ROBO2: variants seen among roughly 807,000 people sequenced by gnomAD.
The protein encoded by ROBO2 is roundabout homolog 2.
Under a neutral mutation model 160.8 loss-of-function variants are expected in ROBO2, and 53 were observed. The ratio of observed to expected loss-of-function variants is 0.33; its 90% confidence interval spans 0.26 to 0.41. The LOEUF (loss-of-function observed/expected upper bound fraction) is 0.41, where lower values mean the gene tolerates loss of function less well. Among genes scored for constraint, ROBO2 ranks in the 10% least tolerant of loss-of-function variants. The pLI, the probability that ROBO2 is intolerant of heterozygous loss-of-function variation, is 1.00. For missense variants in ROBO2, 1,577 were observed against 1,722.4 expected, an observed-to-expected ratio of 0.92 and a Z score of 1.49; for synonymous variants, 664 against 611.7, an observed-to-expected ratio of 1.09 and a Z score of -1.26.
At chr3:76,028,420 TA>T (rs1451717304) in intron 2 of ROBO2, among the ~76,000 whole-genome samples, 1 of 151,740 alleles carries the variant, frequency 6.6e-6, no homozygotes, top group Non-Finnish European at 1.5e-5. Flanking sequence ...TAAGTGAGGT[TA>T]AAAAGTAACA....
chr3:76,971,551 T>C (rs2059573281), intron 2 of ROBO2, among the ~76,000 whole-genome samples: 1 of 149,622 alleles, frequency 6.7e-6, no homozygotes, highest in African/African-American at 2.5e-5. Context: ...ACTGTTTCTC[T>C]AAAAAAAAAA....
At chr3:77,476,565 T>G in intron 2 of ROBO2, among the ~76,000 whole-genome samples, 1 of 152,124 alleles carries the variant, frequency 6.6e-6, no homozygotes, top group East Asian at 1.9e-4. Context: ...ACCCTAAAAT[T>G]AATGTAGCTC....
At chr3:77,019,070 A>T (rs1342056948) in intron 2 of ROBO2, among the ~76,000 whole-genome samples, 1 of 152,204 alleles carries the variant, frequency 6.6e-6, no homozygotes, top group Non-Finnish European at 1.5e-5. Flanking sequence ...AGGATTTAGC[A>T]TGGGTTTCGG....
intron 2 of ROBO2, among the ~76,000 whole-genome samples, chr3:76,047,674 G>C (rs1300739205): frequency 1.3e-5 from 2 of 152,156 alleles, no homozygotes; most frequent in East Asian, 1.9e-4. Flanking sequence ...TAGATGTTCC[G>C]ATAGGCTAGC....
chr3:76,761,362 G>T (rs796915639), intron 2 of ROBO2, among the ~76,000 whole-genome samples: 2 of 151,690 alleles, frequency 1.3e-5, no homozygotes, highest in Non-Finnish European at 3.0e-5. Flanking sequence ...CATGCAGGGT[G>T]ACCATACATT....
intron 2 of ROBO2, among the ~76,000 whole-genome samples, chr3:76,705,272 C>T (rs1002151059): frequency 2.0e-5 from 3 of 151,958 alleles, no homozygotes; most frequent in Admixed American, 2.0e-4. Flanking sequence ...ACAATATATC[C>T]CAGTTGCCTA....
At chr3:77,442,031 G>T (rs991824829) in intron 2 of ROBO2, among the ~76,000 whole-genome samples, 3 of 152,042 alleles carry the variant, frequency 2.0e-5, no homozygotes, top group Admixed American at 1.3e-4. Flanking sequence ...TCAGATTTAC[G>T]GCCGGGCGCG....
chr3:77,441,738 G>GA (rs952705168), intron 2 of ROBO2, among the ~76,000 whole-genome samples: 3 of 151,982 alleles, frequency 2.0e-5, no homozygotes, highest in Non-Finnish European at 4.4e-5. Flanking sequence ...ACCTCTCCTA[G>GA]AAAAAAACCT....
At chr3:76,812,217 C>G (rs1015920852) in intron 2 of ROBO2, among the ~76,000 whole-genome samples, 1 of 151,334 alleles carries the variant, frequency 6.6e-6, no homozygotes, top group African/African-American at 2.4e-5. Flanking sequence ...AGGTGATGTC[C>G]TTCCTAAACT....
chr3:76,476,206 CT>C (rs998846190), intron 2 of ROBO2, among the ~76,000 whole-genome samples: 13 of 152,110 alleles, frequency 8.5e-5, no homozygotes, highest in African/African-American at 3.1e-4. Flanking sequence ...CAGACCCTTC[CT>C]TTTTTTATTA....
intron 2 of ROBO2, among the ~76,000 whole-genome samples, chr3:76,275,698 T>C (rs542998364): frequency 6.6e-6 from 1 of 152,204 alleles, no homozygotes; most frequent in Non-Finnish European, 1.5e-5. Flanking sequence ...TCTTGTTCTT[T>C]AAAAACCTAC....
At chr3:76,842,679 G>C (rs993456814) in intron 2 of ROBO2, among the ~76,000 whole-genome samples, 2 of 152,110 alleles carry the variant, frequency 1.3e-5, no homozygotes, top group Non-Finnish European at 2.9e-5. Flanking sequence ...GCTGTTATGA[G>C]TTAAATCATG....
chr3:76,834,325 C>G (rs2067474046), intron 2 of ROBO2, among the ~76,000 whole-genome samples: 1 of 151,274 alleles, frequency 6.6e-6, no homozygotes, highest in Admixed American at 6.6e-5. Context: ...GTAGCTGTAA[C>G]TACAGGGGCA....
chr3:76,040,847 G>T lies in ROBO2; in HGVS notation c.109+103245G>T, dbSNP rs184746054. 9.9e-4 allele frequency among the ~76,000 whole-genome samples: 150 copies of T among 151,972 alleles called. 2 individuals carry two copies. The highest frequency in any genetic ancestry group is 3.3e-3 in the African/African-American group (138 of 41,316). On this transcript the variant is annotated intron_variant, in intron 2 of 26. Transcript: ENST00000487694. ...TACTAAAAATACAAAAATTAGCCAGGTGTGGTGGGGTGCATCTGTAGTGCC... is the reference window on the plus strand; with the variant it reads ...TACTAAAAATACAAAAATTAGCCAGTTGTGGTGGGGTGCATCTGTAGTGCC...
chr3:76,892,863 C>A (rs2148825083), intron 2 of ROBO2, among the ~76,000 whole-genome samples: 1 of 152,272 alleles, frequency 6.6e-6, no homozygotes, highest in African/African-American at 2.4e-5. Context: ...GACGTCCTTT[C>A]CAGTTCTTTC....
intron 2 of ROBO2, among the ~76,000 whole-genome samples, chr3:76,709,645 C>G (rs550457393): frequency 2.6e-5 from 4 of 152,228 alleles, no homozygotes; most frequent in South Asian, 2.1e-4. Flanking sequence ...AGGGGCTGGA[C>G]AGGAGATTTG....
At chr3:75,963,033 G>T (rs771456773) in intron 2 of ROBO2, among the ~76,000 whole-genome samples, 1 of 151,704 alleles carries the variant, frequency 6.6e-6, no homozygotes, top group Non-Finnish European at 1.5e-5. Context: ...ATTGTGCCCA[G>T]CTAAATCCAT....
intron 2 of ROBO2, among the ~76,000 whole-genome samples, chr3:77,032,901 C>G (rs748289939): frequency 6.6e-6 from 1 of 152,114 alleles, no homozygotes; most frequent in Non-Finnish European, 1.5e-5. Context: ...TGATCCAACA[C>G]AACTGCAAGG....
chr3:76,916,087 T>C (rs1263898738), intron 2 of ROBO2, among the ~76,000 whole-genome samples: 1 of 152,142 alleles, frequency 6.6e-6, no homozygotes, highest in Non-Finnish European at 1.5e-5. Context: ...TTTCAATATA[T>C]GAATTTGGGG....
Sources: gnomAD v4.1 joint callset for allele counts (sites outside exome capture counted in the v4.1 genomes callset) on GRCh38, gnomAD v4.1.1 for gene constraint, MANE v1.5 for transcripts, NCBI Gene and HGNC (gene_info 2026-07-23, HGNC 2026-07-21) for gene names.